Variants in CYP2C19 observed in about 807,000 individuals in gnomAD.
The protein encoded by CYP2C19 is cytochrome P450 2C19.
A neutral mutation model predicts 40.9 loss-of-function variants in CYP2C19; 59 were observed. The observed-to-expected ratio is 1.44, with a 90% CI of 1.17 to 1.79. The LOEUF (loss-of-function observed/expected upper bound fraction) is 1.79, where lower values mean the gene tolerates loss of function less well. Ranked by LOEUF, CYP2C19 falls within the 40% of genes most tolerant of loss-of-function variation. The probability of loss-of-function intolerance (pLI) is 0.00; values close to 1 mark genes in which losing one functional copy is unlikely to be tolerated. For missense variants in CYP2C19, 754 were observed against 596.9 expected (o/e 1.26, Z -2.74); for synonymous variants, 253 against 208.7 (o/e 1.21, Z -1.83).
chr10:94,853,178 A>C lies in CYP2C19; in HGVS notation c.*264A>C, dbSNP rs566634257. 65 of 447,700 alleles carry C rather than the reference A, an allele frequency of 1.5e-4. No individual in the cohort carries two copies. The South Asian group carries it at 1.8e-3, about 13-fold the overall frequency. 27.7% of individuals were successfully genotyped at this position (447,700 alleles called of 1,614,324 possible). The stretch of plus-strand genomic sequence containing the variant: ...TGAGTTATTAACATATTATTATTAA[A>C]TAGAGAAAGATGATTTGTGTATTAT... On this transcript the variant is annotated 3_prime_UTR_variant, in exon 9 of 9. Transcript: ENST00000371321.
intron 6 of CYP2C19, among the ~76,000 whole-genome samples, chr10:94,830,330 G>C (rs190787476): frequency 7.2e-5 from 11 of 152,206 alleles, no homozygotes; most frequent in Non-Finnish European, 1.5e-5. Context: ...AGGACCCTCC[G>C]AGCCAGGTGC....
rs185832332 is a variant in CYP2C19 at position 94,801,233 on chromosome 10, G to A, written c.819+19236G>A. 3.7e-4 allele frequency among the ~76,000 whole-genome samples: 56 copies of A among 152,244 alleles called. No individual in the cohort carries two copies. In the East Asian group the frequency reaches 4.4e-3, roughly 12 times the overall value. ...ATGCTTTCTCTTGTGGACATTTAGC[G>A]GTATCAATTTCCCTCTACACAATGC... On this transcript the variant is annotated intron_variant, in intron 5 of 8. Transcript: ENST00000371321.
chr10:94,822,960 A>G (rs1275704075), intron 6 of CYP2C19, among the ~76,000 whole-genome samples: 1 of 150,456 alleles, frequency 6.6e-6, no homozygotes, highest in Non-Finnish European at 1.5e-5. Flanking sequence ...TTAGTTTTTT[A>G]TAGATTTGGG....
chr10:94,787,101 T>A lies in CYP2C19; in HGVS notation c.819+5104T>A, dbSNP rs139054494. Among the ~76,000 whole-genome samples, 344 of 152,288 alleles carry A rather than the reference T, an allele frequency of 2.3e-3. 4 individuals are homozygous for A. The highest frequency in any genetic ancestry group is 3.4e-3 in the Non-Finnish European group (233 of 68,028). ...TGCTTTCCATAGTGGCTGAACTAAC[T>A]TACATTTCCACCAGTAGTGTATAAG... On this transcript the variant is annotated intron_variant, in intron 5 of 8. Transcript: ENST00000371321.
intron 8 of CYP2C19, 83 bp downstream of exon 8, chr10:94,850,141 C>A (rs1224695978): frequency 1.2e-5 from 18 of 1,455,832 alleles, no homozygotes; most frequent in Non-Finnish European, 1.4e-5. Context: ...GCCTTCTCTG[C>A]AGTGGTACAG....
chr10:94,848,138 A>G (rs769050382), intron 7 of CYP2C19, among the ~76,000 whole-genome samples: 1 of 152,190 alleles, frequency 6.6e-6, no homozygotes, highest in Non-Finnish European at 1.5e-5. Context: ...TGTTTTAGAC[A>G]TGAAGTCCTT....
intron 7 of CYP2C19, 73 bp downstream of exon 7, chr10:94,843,097 C>A: frequency 1.9e-6 from 3 of 1,557,772 alleles, no homozygotes; most frequent in Non-Finnish European, 2.7e-6. Flanking sequence ...TTCTTACCCT[C>A]TACCATCACT....
At chr10:94,795,447 A>G (rs1200162718) in intron 5 of CYP2C19, among the ~76,000 whole-genome samples, 1 of 152,106 alleles carries the variant, frequency 6.6e-6, no homozygotes, top group Admixed American at 6.5e-5. Context: ...TATTGTGAAT[A>G]GTGCCGCAAT....
chr10:94,815,489 A>C (rs1848987989), intron 5 of CYP2C19, among the ~76,000 whole-genome samples: 1 of 152,176 alleles, frequency 6.6e-6, no homozygotes, highest in African/African-American at 2.4e-5. Context: ...CCCCAGCCCT[A>C]ATTCAAACTA....
chr10:94,817,938 G>A (rs998869980), intron 5 of CYP2C19, among the ~76,000 whole-genome samples: 33 of 148,164 alleles, frequency 2.2e-4, no homozygotes, highest in South Asian at 1.5e-3. Flanking sequence ...GCGTGAACCC[G>A]GGAGGCGGAG....
intron 5 of CYP2C19, among the ~76,000 whole-genome samples, chr10:94,818,621 G>T (rs1439248424): frequency 1.4e-5 from 2 of 145,926 alleles, no homozygotes; most frequent in African/African-American, 2.6e-5. Context: ...TTGTAAGTTG[G>T]ATTCCTAGGT....
intron 5 of CYP2C19, among the ~76,000 whole-genome samples, chr10:94,816,023 C>G (rs1164070448): frequency 2.6e-5 from 4 of 151,954 alleles, no homozygotes; most frequent in Non-Finnish European, 5.9e-5. Context: ...GTCTTTATGT[C>G]TTCTCATTTG....
chr10:94,846,622 A>AT (rs1420177084), intron 7 of CYP2C19, among the ~76,000 whole-genome samples: 2 of 151,940 alleles, frequency 1.3e-5, no homozygotes, highest in African/African-American at 4.8e-5. Flanking sequence ...ACAAAAGATG[A>AT]TTTTTTTCTA....
chr10:94,820,694 G>T, intron 6 of CYP2C19, 57 bp downstream of exon 6: 1 of 1,601,344 alleles, frequency 6.2e-7, no homozygotes, highest in Non-Finnish European at 8.6e-7. Context: ...GGAAGGTGCT[G>T]CTAGTGTTCT....
intron 7 of CYP2C19, among the ~76,000 whole-genome samples, chr10:94,847,678 G>A (rs530620538): frequency 2.8e-4 from 43 of 152,268 alleles, no homozygotes; most frequent in African/African-American, 9.6e-4. Flanking sequence ...GGTTGAACTA[G>A]TTTACAGTCC....
chr10:94,829,706 G>A (rs539074722), intron 6 of CYP2C19, among the ~76,000 whole-genome samples: 129 of 151,998 alleles, frequency 8.5e-4, no homozygotes, highest in African/African-American at 2.5e-3. Context: ...GAGGAACTAC[G>A]TTCCTTTGGA....
intron 5 of CYP2C19, among the ~76,000 whole-genome samples, chr10:94,799,607 A>T (rs1031548204): frequency 6.6e-6 from 1 of 151,952 alleles, no homozygotes; most frequent in Non-Finnish European, 1.5e-5. Context: ...ACTTGGTTCC[A>T]TTCTCCCTAT....
intron 5 of CYP2C19, among the ~76,000 whole-genome samples, chr10:94,810,316 T>C (rs1489267507): frequency 6.6e-6 from 1 of 152,222 alleles, no homozygotes; most frequent in Non-Finnish European, 1.5e-5. Context: ...CGCATGGATG[T>C]TCATCACGGA....
chr10:94,807,334 G>A (rs1422028076), intron 5 of CYP2C19, among the ~76,000 whole-genome samples: 4 of 152,110 alleles, frequency 2.6e-5, no homozygotes, highest in Non-Finnish European at 2.9e-5. Flanking sequence ...TGGCTATGGT[G>A]AATAGTGCTT....
Sources: allele counts gnomAD v4.1 joint callset (sites outside exome capture counted in the v4.1 genomes callset), GRCh38; gene constraint gnomAD v4.1.1; transcripts MANE v1.5; gene names NCBI Gene and HGNC (gene_info 2026-07-23, HGNC 2026-07-21).